STAC2: variants seen among roughly 807,000 people sequenced by gnomAD.
The protein encoded by STAC2 is SH3 and cysteine rich domain 2.
Under a neutral mutation model 49.0 loss-of-function variants are expected in STAC2, and 36 were observed. The observed-to-expected ratio is 0.74, with a 90% CI of 0.56 to 0.97. STAC2 has a LOEUF of 0.97. STAC2 is among the 50% of genes least tolerant of loss of function. STAC2 has a pLI of 0.00. For missense variants in STAC2, 527 were observed against 543.8 expected (o/e 0.97, Z 0.31); for synonymous variants, 239 against 214.7 (o/e 1.11, Z -0.99).
rs750528129 is a variant in STAC2 at position 39,217,893 on chromosome 17, C to G, written c.371G>C (p.Cys124Ser). 6.2e-7 allele frequency: 1 copy of G among 1,606,452 alleles called. No homozygotes were observed. The highest frequency in any genetic ancestry group is 8.5e-7 in the Non-Finnish European group (1 of 1,177,160). The change falls in exon 2 of 11, where the codon TGT (cysteine) becomes TCT (serine). Residue 124 changes from cysteine to serine, a missense_variant. Coordinates refer to ENST00000333461, the MANE Select transcript of STAC2 (RefSeq NM_198993.5). The stretch of plus-strand genomic sequence containing the variant: ...TACGATGAGCTGGTGGCACAGCTCA[C>G]AAGGGCTAGCTCGCTTGAAGACATG... The part of the protein sequence containing the change: ...QEHVFKRASP[C>S]ELCHQLIVGN...
intron 1 of STAC2, among the ~76,000 whole-genome samples, chr17:39,223,188 T>C (rs1461160232): frequency 2.0e-5 from 3 of 152,200 alleles, no homozygotes; most frequent in Admixed American, 1.3e-4. Context: ...CTGTTGTACC[T>C]GCCTCACACT....
chr17:39,213,280 C>T, intron 9 of STAC2, 148 bp from the exon 10 acceptor site: 3 of 1,412,190 alleles, frequency 2.1e-6, no homozygotes, highest in East Asian at 4.8e-5. Flanking sequence ...AGCCAGGTGG[C>T]TTCTGGGCCA....
chr17:39,224,957 G>A (rs1003678926), intron 1 of STAC2, among the ~76,000 whole-genome samples: 1 of 152,194 alleles, frequency 6.6e-6, no homozygotes, highest in African/African-American at 2.4e-5. Flanking sequence ...GAGAGACGGG[G>A]AGAGACGCAC....
intron 1 of STAC2, among the ~76,000 whole-genome samples, chr17:39,223,010 G>T (rs1002709675): frequency 6.6e-6 from 1 of 152,218 alleles, no homozygotes; most frequent in Non-Finnish European, 1.5e-5. Context: ...AAGGGAAGGA[G>T]ACCAAGAGAG....
At position 39,225,326 on chromosome 17, in the gene STAC2, TAG is replaced by T; in HGVS notation, c.90+85_90+86del. On this transcript the variant is annotated intron_variant, in intron 1 of 10. Coordinates refer to ENST00000333461, the MANE Select transcript of STAC2 (RefSeq NM_198993.5). The surrounding 1 kb of genome is among the most constrained non-coding windows in gnomAD (Gnocchi z 8.2). ...CACGCGGGCCTCGCGACCGCGACCCTAGGACGCCCGGGCCCACAGGAGGACCC... is the reference window on the plus strand; with the variant it reads ...CACGCGGGCCTCGCGACCGCGACCCTGACGCCCGGGCCCACAGGAGGACCC... The T allele has an allele frequency of 8.4e-7, 1 of 1,189,584 alleles. No homozygotes were observed. Among genetic ancestry groups the T allele is most frequent in the Non-Finnish European group, 1.1e-6 (1 of 875,594 alleles). 73.7% of individuals were successfully genotyped at this position (1,189,584 alleles called of 1,614,324 possible).
rs1313788578 is a variant in STAC2 at position 39,214,966 on chromosome 17, C to T, written c.757G>A (p.Gly253Arg). The change falls in exon 6 of 11, where the codon GGG becomes AGG. Residue 253 changes from glycine (G) to arginine (R), a missense_variant. Coordinates refer to ENST00000333461, the MANE Select transcript of STAC2 (RefSeq NM_198993.5). Reference protein sequence around the residue: ...GEGSIRSSEEGPGDSASPVFT... With the variant: ...GEGSIRSSEERPGDSASPVFT... Reference sequence around the variant, plus strand: ...CACCACTCACCACTGTCACCAGGCCCCTCCTCAGAGCTGCGGATGCTGCCT... The same window carrying T: ...CACCACTCACCACTGTCACCAGGCCTCTCCTCAGAGCTGCGGATGCTGCCT... The T allele has an allele frequency of 6.2e-7, 1 of 1,614,008 alleles. No homozygotes were observed. The highest frequency in any genetic ancestry group is 1.3e-5 in the African/African-American group (1 of 74,890).
Position 39,212,373 on chromosome 17 carries a change from G to T in STAC2, c.1155C>A (p.Ser385Arg). 1 of 1,611,212 alleles carries T rather than the reference G, an allele frequency of 6.2e-7. No homozygotes were observed. Among genetic ancestry groups the T allele is most frequent in the Non-Finnish European group, 8.5e-7 (1 of 1,178,590 alleles). The part of the protein sequence containing the change: ...ENQICVGVGR[S>R]KDADGFIRVS... ...CGCGGATGAAGCCGTCAGCATCCTT[G>T]CTTCTGCCCACGCCCACGCAGATCT... Residue 385 changes from serine to arginine, a missense_variant, in exon 11 of 11, where the codon AGC becomes AGA. Ser to Arg is a moderately radical substitution (Grantham distance 110). Transcript: ENST00000333461.
intron 1 of STAC2, among the ~76,000 whole-genome samples, chr17:39,223,075 C>G (rs1265934743): frequency 1.3e-5 from 2 of 152,164 alleles, no homozygotes; most frequent in Admixed American, 6.5e-5. Flanking sequence ...GCTGATTCAG[C>G]CTGGGGGCAA....
chr17:39,222,623 T>A (rs953564195), intron 1 of STAC2, among the ~76,000 whole-genome samples: 3 of 152,168 alleles, frequency 2.0e-5, no homozygotes, highest in African/African-American at 7.2e-5. Flanking sequence ...ACTATACTTT[T>A]GGTGCCCTCA....
chr17:39,214,871 G>A lies in STAC2; in HGVS notation c.773-10C>T. 1 of 1,614,052 alleles carries A rather than the reference G, an allele frequency of 6.2e-7. No individual in the cohort carries two copies. Among genetic ancestry groups the A allele is most frequent in the Non-Finnish European group, 8.5e-7 (1 of 1,179,952 alleles). On this transcript the variant is annotated splice_polypyrimidine_tract_variant and intron_variant, in intron 6 of 10. Transcript: ENST00000333461. The stretch of plus-strand genomic sequence containing the variant: ...GTGAATACTGGAGATGCTAGGGGCA[G>A]GAGAGGGAAAGGGTGAGAGGCAGCA...
intron 8 of STAC2, 109 bp from the exon 9 acceptor site, chr17:39,213,667 C>T (rs1012140607): frequency 7.9e-6 from 5 of 631,448 alleles, no homozygotes; most frequent in Admixed American, 6.3e-5. Context: ...CTGGGAGAGA[C>T]GATTCTTTTT....
In STAC2 at chr17:39,214,225, G is replaced by C. The variant is rs1451837284; in HGVS notation, c.941+8C>G. Reference sequence around the variant, plus strand: ...GCCCAGCGGGGCCAGGTCACAAAGAGGACTTACTGCAGAGCCAGATCATTG... The same window carrying C: ...GCCCAGCGGGGCCAGGTCACAAAGACGACTTACTGCAGAGCCAGATCATTG... On this transcript the variant is annotated splice_region_variant and intron_variant, in intron 8 of 10. Coordinates refer to ENST00000333461, the MANE Select transcript of STAC2 (RefSeq NM_198993.5). 1.9e-6 allele frequency: 3 copies of C among 1,613,752 alleles called. No individual in the cohort carries two copies. The highest frequency in any genetic ancestry group is 2.5e-6 in the Non-Finnish European group (3 of 1,179,770).
In STAC2 at chr17:39,211,151, C is replaced by T. The variant is rs2046350853; in HGVS notation, c.*1141G>A. 1 of 152,368 alleles carries T rather than the reference C, an allele frequency of 6.6e-6. No individual in the cohort carries two copies. Among genetic ancestry groups the T allele is most frequent in the African/African-American group, 2.4e-5 (1 of 41,434 alleles). 9.4% of individuals were successfully genotyped at this position (152,368 alleles called of 1,614,324 possible). A position where few individuals can be genotyped will look rare whatever the true frequency, so the allele number is the denominator to read the frequency against. ...GGACAGGAACTGACAGTCACAGGCT[C>T]CCCTGGCGGGTGGTTCCTGTGTGAC... On this transcript the variant is annotated 3_prime_UTR_variant, in exon 11 of 11. Coordinates refer to ENST00000333461, the MANE Select transcript of STAC2 (RefSeq NM_198993.5).
chr17:39,212,485 G>C, intron 10 of STAC2, 89 bp from the exon 11 acceptor site: 1 of 904,400 alleles, frequency 1.1e-6, no homozygotes. Flanking sequence ...GACCCACCCT[G>C]GGGGATGATG....
At chr17:39,216,588 A>G (rs535309558) in intron 4 of STAC2, among the ~76,000 whole-genome samples, 1 of 152,276 alleles carries the variant, frequency 6.6e-6, no homozygotes, top group East Asian at 1.9e-4. Flanking sequence ...TCAGGCACCC[A>G]TCTCAGAAAT....
rs1597730625 is a variant in STAC2, at chr17:39,213,559, C to T, written c.942-1G>A. On this transcript the variant is annotated splice_acceptor_variant, in intron 8 of 10. Coordinates refer to ENST00000333461, the MANE Select transcript of STAC2 (RefSeq NM_198993.5). LOFTEE classifies it high-confidence loss of function. ...CACCAGCATGATCCGATCTCCAGGCCTGGGGAGGACAGAGCTAGGGTTGCA... is the reference window on the plus strand; with the variant it reads ...CACCAGCATGATCCGATCTCCAGGCTTGGGGAGGACAGAGCTAGGGTTGCA... The T allele has an allele frequency of 1.2e-6, 2 of 1,613,702 alleles. No individual in the cohort carries two copies. The highest frequency in any genetic ancestry group is 4.5e-5 in the East Asian group (2 of 44,856).
chr17:39,218,215 G>T, intron 1 of STAC2, 42 bp from the exon 2 acceptor site: 1 of 1,608,508 alleles, frequency 6.2e-7, no homozygotes, highest in South Asian at 1.1e-5. Context: ...GCCTAGAGGG[G>T]GCTGGCCAGG....
intron 1 of STAC2, among the ~76,000 whole-genome samples, chr17:39,222,638 C>T (rs1367778349): frequency 6.6e-6 from 1 of 152,178 alleles, no homozygotes; most frequent in Non-Finnish European, 1.5e-5. Flanking sequence ...CCCTCACTTC[C>T]CTGGGACCCA....
rs770343764 is a variant in STAC2 at position 39,225,443 on chromosome 17, T to TG, written c.59dup (p.Gly21ArgfsTer27). The TG allele has an allele frequency of 4.2e-5, 67 of 1,608,226 alleles. No individual in the cohort carries two copies. Among genetic ancestry groups the TG allele is most frequent in the Non-Finnish European group, 5.4e-5 (64 of 1,178,304 alleles). The stretch of plus-strand genomic sequence containing the variant: ...TTTCCTGGAGGGCGGAGACGGTCCC[T>TG]GGGGGGCTGTGGGTGGCCGCGTCAT... On this transcript the variant is annotated frameshift_variant, in exon 1 of 11. Coordinates refer to ENST00000333461, the MANE Select transcript of STAC2 (RefSeq NM_198993.5). LOFTEE classifies it high-confidence loss of function. The surrounding 1 kb of genome is among the most constrained non-coding windows in gnomAD (Gnocchi z 8.2).
Sources: allele counts gnomAD v4.1 joint callset (sites outside exome capture counted in the v4.1 genomes callset), GRCh38; gene constraint gnomAD v4.1.1; non-coding constraint Gnocchi (gnomAD v3.1); transcripts MANE v1.5; gene names NCBI Gene and HGNC (gene_info 2026-07-23, HGNC 2026-07-21).